LRP4: variants seen among roughly 807,000 people sequenced by gnomAD.
LRP4 encodes low-density lipoprotein receptor-related protein 4.
A neutral mutation model predicts 220.3 loss-of-function variants in LRP4; 95 were observed. That is an observed-to-expected ratio of 0.43 (90% CI 0.37 to 0.51). The LOEUF (loss-of-function observed/expected upper bound fraction) is 0.51. Among genes scored for constraint, LRP4 ranks in the 20% least tolerant of loss-of-function variants. The pLI, the probability that LRP4 is intolerant of heterozygous loss-of-function variation, is 0.00. For synonymous variants in LRP4, 903 were observed against 954.6 expected (o/e 0.95, Z 1.00); for missense variants, 1,925 against 2,567.0 (o/e 0.75, Z 5.40).
At chr11:46,909,772 T>C (rs1306757827) in intron 1 of LRP4, among the ~76,000 whole-genome samples, 3 of 151,960 alleles carry the variant, frequency 2.0e-5, no homozygotes, top group Non-Finnish European at 4.4e-5. Context: ...CTCTAGAATC[T>C]TGTGAAAGCT....
intron 7 of LRP4, among the ~76,000 whole-genome samples, chr11:46,897,356 T>A (rs1181801491): frequency 2.8e-5 from 3 of 106,822 alleles, no homozygotes; most frequent in Non-Finnish European, 6.0e-5. Context: ...TTCTTTTTAT[T>A]TTTTTATTTT....
In LRP4 at chr11:46,918,286, G is replaced by C. The variant is rs766588024; in HGVS notation, c.52+42C>G. ...GGTCCCGGGAGGCGAGTCCTGCAGCGGCCGGACCCAGGGACAAACTTTCCC... is the reference window on the plus strand; with the variant it reads ...GGTCCCGGGAGGCGAGTCCTGCAGCCGCCGGACCCAGGGACAAACTTTCCC... On this transcript the variant is annotated intron_variant, in intron 1 of 37. Coordinates refer to ENST00000378623, the MANE Select transcript of LRP4 (RefSeq NM_002334.4). The surrounding 1 kb of genome is among the most constrained non-coding windows in gnomAD (Gnocchi z 6.0). 2.7e-4 allele frequency: 405 copies of C among 1,505,908 alleles called. No individual in the cohort carries two copies. Among genetic ancestry groups the C allele is most frequent in the Non-Finnish European group, 2.5e-4 (285 of 1,131,794 alleles). 93.3% of individuals were successfully genotyped at this position (1,505,908 alleles called of 1,614,324 possible).
At chr11:46,868,392 T>C (rs1373070909) in intron 33 of LRP4, among the ~76,000 whole-genome samples, 1 of 152,186 alleles carries the variant, frequency 6.6e-6, no homozygotes, top group African/African-American at 2.4e-5. Context: ...AGACCTGAAT[T>C]CTGTTCCTGC....
rs370281520 is a variant in LRP4, at chr11:46,883,967, C to T, written c.2516G>A (p.Arg839Gln). 1.7e-5 allele frequency: 27 copies of T among 1,612,854 alleles called. No homozygotes were observed. The highest frequency in any genetic ancestry group is 2.1e-5 in the Non-Finnish European group (25 of 1,178,952). ...KLYWTDAGTD[R>Q]IEVANTDGSM... ...GCCATCTGTGTTGGCTACTTCAATCCGGTCTGTACCTATCAAGAAGGGATA... is the reference window on the plus strand; with the variant it reads ...GCCATCTGTGTTGGCTACTTCAATCTGGTCTGTACCTATCAAGAAGGGATA... Residue 839 changes from arginine (R) to glutamine (Q), a missense_variant, in exon 19 of 38, where the codon CGG becomes CAG. By Grantham distance (43) the Arg-to-Gln change is conservative (BLOSUM62 1). Around this residue, in one of 3 missense-constraint regions of LRP4, gnomAD observed 1,244 missense variants for 1,624.9 expected, o/e 0.77. Coordinates refer to ENST00000378623, the MANE Select transcript of LRP4 (RefSeq NM_002334.4).
chr11:46,894,962 C>G, intron 11 of LRP4, 143 bp from the exon 12 acceptor site: 1 of 1,040,844 alleles, frequency 9.6e-7, no homozygotes, highest in Non-Finnish European at 1.5e-6. Flanking sequence ...AGAAGAGTGG[C>G]AACCTTTAAA....
intron 20 of LRP4, among the ~76,000 whole-genome samples, chr11:46,880,935 G>A (rs988582851): frequency 3.3e-5 from 5 of 151,704 alleles, no homozygotes; most frequent in Non-Finnish European, 5.9e-5. Flanking sequence ...CTAGCCAGGC[G>A]TTATGGCTCA....
chr11:46,918,490 T>A lies in LRP4; in HGVS notation c.-111A>T. On this transcript the variant is annotated 5_prime_UTR_variant, in exon 1 of 38. Coordinates refer to ENST00000378623, the MANE Select transcript of LRP4 (RefSeq NM_002334.4). The surrounding 1 kb of genome is among the most constrained non-coding windows in gnomAD (Gnocchi z 6.0). Reference sequence around the variant, plus strand: ...GAAGCGTCCCGGGTGCACGGCGGCCTGCGCGCCCCGCAAGTCGCCCTCGGG... The same window carrying A: ...GAAGCGTCCCGGGTGCACGGCGGCCAGCGCGCCCCGCAAGTCGCCCTCGGG... 1.4e-6 allele frequency: 1 copy of A among 735,140 alleles called. No homozygotes were observed. The highest frequency in any genetic ancestry group is 1.8e-6 in the Non-Finnish European group (1 of 561,588). The allele number at this position is 735,140 out of a possible 1,614,324, so 45.5% of individuals were successfully genotyped here.
intron 1 of LRP4, among the ~76,000 whole-genome samples, chr11:46,910,832 C>A (rs1374594948): frequency 6.6e-6 from 1 of 152,092 alleles, no homozygotes; most frequent in Admixed American, 6.6e-5. Context: ...TACCGCCACA[C>A]CCGGCTAATT....
intron 32 of LRP4, 91 bp downstream of exon 32, chr11:46,868,897 G>T: frequency 6.5e-7 from 1 of 1,542,632 alleles, no homozygotes; most frequent in Non-Finnish European, 9.0e-7. Flanking sequence ...GCTCTCTTGT[G>T]GCCCTAACTG....
chr11:46,873,889 G>A lies in LRP4; in HGVS notation c.4230-296C>T, dbSNP rs1432737430. On this transcript the variant is annotated intron_variant, in intron 28 of 37. Transcript: ENST00000378623. This position sits in a 1 kb window ranked among gnomAD's most constrained non-coding sequence, Gnocchi z 4.2. ...TTTATCATTCCCCACATACCTTTGG[G>A]AAGAGACAAGGATTGCTAGGTGGTG... 6 of 434,962 alleles carry A rather than the reference G, an allele frequency of 1.4e-5. No individual in the cohort carries two copies. Among genetic ancestry groups the A allele is most frequent in the African/African-American group, 7.8e-5 (4 of 51,530 alleles). The allele number at this position is 434,962 out of a possible 1,614,324, so 26.9% of individuals were successfully genotyped here.
chr11:46,915,158 G>A (rs1941928782), intron 1 of LRP4, among the ~76,000 whole-genome samples: 1 of 152,182 alleles, frequency 6.6e-6, no homozygotes, highest in Non-Finnish European at 1.5e-5. Context: ...TGTTTCACAA[G>A]CCCAACAGAT....
chr11:46,863,584 C>CAAAAAAAAAA (rs55744712), intron 36 of LRP4, among the ~76,000 whole-genome samples: 131 of 53,642 alleles, frequency 2.4e-3, no homozygotes, highest in African/African-American at 3.7e-3. Flanking sequence ...ACTAAAAATA[C>CAAAAAAAAAA]AAAAAAAAAA....
intron 1 of LRP4, among the ~76,000 whole-genome samples, chr11:46,903,275 A>AT (rs941226831): frequency 3.3e-4 from 50 of 152,112 alleles, no homozygotes; most frequent in Admixed American, 1.0e-3. Context: ...GGGAGGATTG[A>AT]TTGAGCTCAG....
intron 34 of LRP4, among the ~76,000 whole-genome samples, chr11:46,867,531 G>A (rs1005062575): frequency 3.9e-5 from 6 of 152,112 alleles, no homozygotes; most frequent in Non-Finnish European, 7.3e-5. Flanking sequence ...GCGCGATCTC[G>A]GCTCACCGCA....
intron 7 of LRP4, 90 bp downstream of exon 7, chr11:46,898,468 G>C: frequency 1.9e-6 from 3 of 1,575,336 alleles, no homozygotes; most frequent in Non-Finnish European, 2.6e-6. Flanking sequence ...TTATAAGCAT[G>C]AGCCACCGCG....
chr11:46,871,706 G>T (rs1313360319), intron 30 of LRP4, 73 bp from the exon 31 acceptor site: 3 of 989,296 alleles, frequency 3.0e-6, no homozygotes, highest in African/African-American at 3.2e-5. Context: ...CTATGAACCT[G>T]TTTGTCCCCT....
Position 46,893,135 on chromosome 11 carries a change from G to A in LRP4, c.1541-6C>T. ...CCAATCCACAGCCAGGCCCCCTGGT[G>A]AGAAGCAGCAGCAAAAAATGTCAAG... is the stretch of plus-strand genomic sequence containing the variant. On this transcript the variant is annotated splice_region_variant and splice_polypyrimidine_tract_variant and intron_variant, in intron 12 of 37. Transcript: ENST00000378623. 6.2e-7 allele frequency: 1 copy of A among 1,614,168 alleles called. No homozygotes were observed. Among genetic ancestry groups the A allele is most frequent in the Non-Finnish European group, 8.5e-7 (1 of 1,180,008 alleles).
intron 16 of LRP4, among the ~76,000 whole-genome samples, chr11:46,888,189 G>A (rs2134832870): frequency 6.6e-6 from 1 of 151,212 alleles, no homozygotes; most frequent in East Asian, 1.9e-4. Context: ...GGGTGTGGTA[G>A]TGCACACTTA....
chr11:46,891,428 TACACACACAC>T (rs57116396), intron 13 of LRP4, among the ~76,000 whole-genome samples: 25,492 of 147,080 alleles, frequency 0.17, 2,844 homozygotes, highest in East Asian at 0.6. Context: ...TTGTATTTTA[TACACACACAC>T]ACACACACAC....
Sources: gnomAD v4.1 joint callset for allele counts (sites outside exome capture counted in the v4.1 genomes callset) on GRCh38, gnomAD v4.1.1 for gene constraint, gnomAD v4.1.1 regional missense constraint, Gnocchi (gnomAD v3.1) non-coding constraint, MANE v1.5 for transcripts, NCBI Gene and HGNC (gene_info 2026-07-23, HGNC 2026-07-21) for gene names.